The following CHN2 variants were observed in gnomAD, a reference collection of about 807,000 sequenced individuals.
CHN2 encodes the protein beta-chimaerin.
In CHN2, 35 loss-of-function variants were observed where a neutral mutation model predicts 56.3. The observed-to-expected ratio is 0.62, with a 90% CI of 0.47 to 0.82. The LOEUF is 0.82. Ranked by LOEUF, CHN2 falls within the 40% of genes least tolerant of loss-of-function variation. The probability of loss-of-function intolerance (pLI) is 0.00; values close to 1 mark genes in which losing one functional copy is unlikely to be tolerated. For missense variants in CHN2, 491 were observed against 580.5 expected, an observed-to-expected ratio of 0.85 and a Z score of 1.58; for synonymous variants, 210 against 212.8, an observed-to-expected ratio of 0.99 and a Z score of 0.12.
intron 1 of CHN2, among the ~76,000 whole-genome samples, chr7:29,273,377 A>ATATATATATATATATATATATG (rs1562882108): frequency 7.6e-5 from 4 of 52,402 alleles, no homozygotes; most frequent in Non-Finnish European, 1.4e-4. Flanking sequence ...ATATATATAT[A>ATATATATATATATATATATATG]TATATATATA....
intron 7 of CHN2, among the ~76,000 whole-genome samples, chr7:29,481,092 C>T (rs1333221824): frequency 6.6e-6 from 1 of 152,114 alleles, no homozygotes; most frequent in African/African-American, 2.4e-5. Context: ...AAGTGTTTTC[C>T]AAGAAGGGCT....
intron 7 of CHN2, among the ~76,000 whole-genome samples, chr7:29,484,909 T>A (rs554102916): frequency 1.3e-3 from 198 of 152,344 alleles, no homozygotes; most frequent in Non-Finnish European, 2.0e-3. Context: ...TGCTCCTAAG[T>A]GTCAACCCCT....
chr7:29,263,876 C>G (rs995717296), intron 1 of CHN2, among the ~76,000 whole-genome samples: 48 of 151,536 alleles, frequency 3.2e-4, no homozygotes, highest in African/African-American at 1.0e-3. Context: ...GGCAGCCGCC[C>G]CATCTGGGAA....
At chr7:29,301,890 A>G (rs1793701300) in intron 1 of CHN2, among the ~76,000 whole-genome samples, 2 of 152,184 alleles carry the variant, frequency 1.3e-5, no homozygotes, top group Admixed American at 1.3e-4. Context: ...TATTTCCACT[A>G]TCTTCATCGA....
At chr7:29,147,272 G>A (rs1214970713) in intron 2 of CHN2, 1 of 322,458 alleles carries the variant, frequency 3.1e-6, no homozygotes, top group Non-Finnish European at 5.8e-6. Flanking sequence ...AGCAACAGCA[G>A]CGTCAACTGC....
intron 6 of CHN2, among the ~76,000 whole-genome samples, chr7:29,452,896 C>T (rs1784501189): frequency 6.6e-6 from 1 of 152,198 alleles, no homozygotes; most frequent in Non-Finnish European, 1.5e-5. Context: ...CTGCTTCTTC[C>T]CTGTGGGACC....
intron 12 of CHN2, 92 bp from the exon 13 acceptor site, chr7:29,512,472 A>C: frequency 9.1e-7 from 1 of 1,097,696 alleles, no homozygotes; most frequent in Non-Finnish European, 1.3e-6. Flanking sequence ...TTCCTGAACC[A>C]GAGATGTTAT....
intron 1 of CHN2, among the ~76,000 whole-genome samples, chr7:29,231,555 CAT>C (rs1786713943): frequency 6.6e-6 from 1 of 152,148 alleles, no homozygotes; most frequent in Non-Finnish European, 1.5e-5. Context: ...TTAATGGTAA[CAT>C]ATTGTCCTCA....
chr7:29,269,030 C>T (rs190567262), intron 1 of CHN2, among the ~76,000 whole-genome samples: 1 of 152,282 alleles, frequency 6.6e-6, no homozygotes, highest in East Asian at 1.9e-4. Flanking sequence ...GGATATTCAT[C>T]ACGTTAAACA....
At chr7:29,246,298 C>T (rs1284914899) in intron 1 of CHN2, among the ~76,000 whole-genome samples, 1 of 152,102 alleles carries the variant, frequency 6.6e-6, no homozygotes, top group African/African-American at 2.4e-5. Flanking sequence ...TCCTGCTCCA[C>T]GTGGCTGGGA....
At chr7:29,479,639 T>TAGATCTCGG in intron 6 of CHN2, 1 of 1,019,300 alleles carries the variant, frequency 9.8e-7, no homozygotes, top group Non-Finnish European at 1.2e-6. Flanking sequence ...CAGGATGGGG[T>TAGATCTCGG]TCAGAGCCCC....
At chr7:29,508,180 C>A (rs1433936836) in intron 11 of CHN2, among the ~76,000 whole-genome samples, 1 of 152,068 alleles carries the variant, frequency 6.6e-6, no homozygotes, top group Non-Finnish European at 1.5e-5. Context: ...AGGAATGGGA[C>A]ATCAGGATTT....
At position 29,440,248 on chromosome 7, in the gene CHN2, C is replaced by T. The variant is rs549472673; in HGVS notation, c.576+39420C>T. On this transcript the variant is annotated intron_variant, in intron 6 of 12. Transcript: ENST00000222792. ...ATGTAGTATATACCTAAGACAACCT[C>T]ACAAACATAGCATTTATAGGATACA... Among the ~76,000 whole-genome samples, 12 of 152,250 alleles carry T rather than the reference C, an allele frequency of 7.9e-5. No homozygotes were observed. In the South Asian group the frequency reaches 2.5e-3, roughly 32 times the overall value.
intron 6 of CHN2, among the ~76,000 whole-genome samples, chr7:29,471,982 T>C (rs1447076738): frequency 6.6e-6 from 1 of 152,084 alleles, no homozygotes; most frequent in East Asian, 1.9e-4. Context: ...ACAAAGAATA[T>C]AACAAACAGG....
At chr7:29,195,212 G>A (rs1584688913) in intron 1 of CHN2, 10 of 472,478 alleles carry the variant, frequency 2.1e-5, no homozygotes, top group Non-Finnish European at 3.7e-5. Flanking sequence ...GAGCGGTGGT[G>A]CCCTTAGTGT....
chr7:29,351,394 C>A (rs1172198554), intron 1 of CHN2, among the ~76,000 whole-genome samples: 2 of 152,172 alleles, frequency 1.3e-5, no homozygotes, highest in African/African-American at 4.8e-5. Flanking sequence ...GTGAATGAAG[C>A]AAAATTCTTG....
intron 6 of CHN2, among the ~76,000 whole-genome samples, chr7:29,411,069 T>A (rs917970924): frequency 6.6e-6 from 1 of 152,180 alleles, no homozygotes; most frequent in African/African-American, 2.4e-5. Flanking sequence ...CAAACACCTG[T>A]GTATCACTAT....
At chr7:29,399,689 G>A (rs985951679) in intron 5 of CHN2, among the ~76,000 whole-genome samples, 4 of 152,256 alleles carry the variant, frequency 2.6e-5, no homozygotes, top group Non-Finnish European at 5.9e-5. Context: ...GCCCACAATG[G>A]TGTGTTCCAT....
chr7:29,442,152 A>T (rs564913897), intron 6 of CHN2, among the ~76,000 whole-genome samples: 2 of 152,240 alleles, frequency 1.3e-5, no homozygotes, highest in Non-Finnish European at 2.9e-5. Context: ...TTTGAATTGT[A>T]TACTTTAAAA....
Sources: allele counts gnomAD v4.1 joint callset (sites outside exome capture counted in the v4.1 genomes callset), GRCh38; gene constraint gnomAD v4.1.1; transcripts MANE v1.5; gene names NCBI Gene and HGNC (gene_info 2026-07-23, HGNC 2026-07-21).